The following CAMTA1 variants were observed in gnomAD, a reference collection of about 807,000 sequenced individuals.
CAMTA1 encodes the protein calmodulin-binding transcription activator 1.
A neutral mutation model predicts 170.9 loss-of-function variants in CAMTA1; 27 were observed. The ratio of observed to expected loss-of-function variants is 0.16; its 90% CI spans 0.12 to 0.22. The LOEUF (loss-of-function observed/expected upper bound fraction) is 0.22, where lower values mean the gene tolerates loss of function less well. Ranked by LOEUF, CAMTA1 falls within the 10% of genes least tolerant of loss-of-function variation. The pLI is 1.00. For synonymous variants in CAMTA1, 833 were observed against 891.5 expected (o/e 0.93, Z 1.17); for missense variants, 1,619 against 2,217.2 (o/e 0.73, Z 5.42).
chr1:7,270,860 T>G (rs1376544252), intron 5 of CAMTA1, among the ~76,000 whole-genome samples: 1 of 152,208 alleles, frequency 6.6e-6, no homozygotes, highest in African/African-American at 2.4e-5. Flanking sequence ...ACTTTTATTC[T>G]TGGTTTAAAA....
intron 3 of CAMTA1, among the ~76,000 whole-genome samples, chr1:6,990,821 T>A (rs868861747): frequency 2.7e-3 from 382 of 141,444 alleles, no homozygotes; most frequent in African/African-American, 9.4e-3. Context: ...ATATATATAT[T>A]TATATATATA....
In CAMTA1 at chr1:7,269,181, A is replaced by C. The variant is rs80290461; in HGVS notation, c.438+19555A>C. 5.2e-3 allele frequency among the ~76,000 whole-genome samples: 788 copies of C among 152,334 alleles called. 7 individuals carry two copies. The highest frequency in any genetic ancestry group is 0.018 in the African/African-American group (734 of 41,560). ...GAAATCAAGGTGTGAGCCAGGGCTG[A>C]GGTCTCATCTGAAGGCTTGACTGAG... is the stretch of plus-strand genomic sequence containing the variant. On this transcript the variant is annotated intron_variant, in intron 5 of 22. Transcript: ENST00000303635.
At chr1:7,472,772 C>T (rs538225664) in intron 6 of CAMTA1, among the ~76,000 whole-genome samples, 2 of 152,256 alleles carry the variant, frequency 1.3e-5, no homozygotes, top group South Asian at 2.1e-4. Flanking sequence ...GAGCAGGCAC[C>T]GTGAGACTAA....
At chr1:7,187,105 A>G (rs1193264003) in intron 4 of CAMTA1, among the ~76,000 whole-genome samples, 1 of 152,064 alleles carries the variant, frequency 6.6e-6, no homozygotes, top group Non-Finnish European at 1.5e-5. Flanking sequence ...CACTGTCCTG[A>G]CAGTATGAGA....
In CAMTA1 at chr1:7,677,823, C is replaced by A. The variant is rs144439021; in HGVS notation, c.2914+90C>A. On this transcript the variant is annotated intron_variant, in intron 11 of 22. Coordinates refer to ENST00000303635, the MANE Select transcript of CAMTA1 (RefSeq NM_015215.4). ...ACAAGGTGTGAAAGAAGAGTAAGCA[C>A]CCAGAAAGGGGCAGGAAGTGGTGCC... 2.8e-6 allele frequency: 4 copies of A among 1,453,526 alleles called. No homozygotes were observed. The East Asian group carries it at 9.3e-5, about 34-fold the overall frequency. 90.0% of individuals were successfully genotyped at this position (1,453,526 alleles called of 1,614,324 possible).
intron 3 of CAMTA1, among the ~76,000 whole-genome samples, chr1:7,032,392 G>A (rs769599168): frequency 4.6e-5 from 7 of 151,972 alleles, no homozygotes; most frequent in Admixed American, 2.6e-4. Context: ...AGTTTTTAGC[G>A]TCCATCTTTG....
intron 11 of CAMTA1, among the ~76,000 whole-genome samples, chr1:7,707,454 C>T (rs1193548263): frequency 6.6e-6 from 1 of 152,168 alleles, no homozygotes; most frequent in Non-Finnish European, 1.5e-5. Context: ...TGGTTCAGTG[C>T]AGCCTCCACC....
chr1:7,541,508 A>C (rs1331362431), intron 6 of CAMTA1, among the ~76,000 whole-genome samples: 2 of 152,266 alleles, frequency 1.3e-5, no homozygotes, highest in Non-Finnish European at 2.9e-5. Context: ...AGAAGAATAA[A>C]GTAATTGCTG....
chr1:7,161,766 A>C (rs1001429945), intron 4 of CAMTA1, among the ~76,000 whole-genome samples: 1 of 152,264 alleles, frequency 6.6e-6, no homozygotes, highest in Admixed American at 6.5e-5. Flanking sequence ...GGACTAATAT[A>C]AGGGCCCATT....
chr1:6,855,531 A>G (rs1222027518), intron 3 of CAMTA1, among the ~76,000 whole-genome samples: 1 of 151,954 alleles, frequency 6.6e-6, no homozygotes, highest in Non-Finnish European at 1.5e-5. Context: ...GAACTCAATC[A>G]TGAGAACAGT....
intron 3 of CAMTA1, among the ~76,000 whole-genome samples, chr1:6,961,307 G>A (rs1032518757): frequency 1.7e-4 from 26 of 152,312 alleles, no homozygotes; most frequent in African/African-American, 6.3e-4. Context: ...GAAGGGCTTT[G>A]GGGAGGCCAG....
At chr1:7,035,639 T>TG (rs1445492171) in intron 3 of CAMTA1, among the ~76,000 whole-genome samples, 1 of 152,196 alleles carries the variant, frequency 6.6e-6, no homozygotes, top group African/African-American at 2.4e-5. Context: ...AATCAATTCT[T>TG]GGTGTTTTAC....
At chr1:7,119,527 T>C (rs1259273193) in intron 4 of CAMTA1, among the ~76,000 whole-genome samples, 1 of 152,182 alleles carries the variant, frequency 6.6e-6, no homozygotes. Context: ...GAAGAACCCC[T>C]GAGCCGAAAA....
chr1:6,966,862 T>G (rs1392463126), intron 3 of CAMTA1, among the ~76,000 whole-genome samples: 1 of 151,670 alleles, frequency 6.6e-6, no homozygotes, highest in Non-Finnish European at 1.5e-5. Context: ...TCCATCCTCC[T>G]CAGCCTCCCA....
rs144674507 is a variant in CAMTA1 at position 7,313,512 on chromosome 1, G to A, written c.438+63886G>A. Among the ~76,000 whole-genome samples, 86 of 152,258 alleles carry A rather than the reference G, an allele frequency of 5.6e-4. 1 individual carries two copies. The highest frequency in any genetic ancestry group is 1.0e-3 in the Non-Finnish European group (70 of 68,020). ...CCTGTAACCCTGTTAGACCTTTATTGCATTGGTCGGCCCTTCTCCAGACAC... is the reference window on the plus strand; with the variant it reads ...CCTGTAACCCTGTTAGACCTTTATTACATTGGTCGGCCCTTCTCCAGACAC... On this transcript the variant is annotated intron_variant, in intron 5 of 22. Coordinates refer to ENST00000303635, the MANE Select transcript of CAMTA1 (RefSeq NM_015215.4).
intron 4 of CAMTA1, among the ~76,000 whole-genome samples, chr1:7,127,069 C>T (rs943745273): frequency 6.6e-6 from 1 of 151,994 alleles, no homozygotes; most frequent in Admixed American, 6.6e-5. Context: ...GTGCCGGGTC[C>T]AGGACTGCCA....
chr1:7,283,458 C>A (rs371863935), intron 5 of CAMTA1, among the ~76,000 whole-genome samples: 1 of 152,188 alleles, frequency 6.6e-6, no homozygotes. Flanking sequence ...ACTCACACTG[C>A]TCTATTTCTG....
chr1:7,133,151 G>T (rs1202666379), intron 4 of CAMTA1, among the ~76,000 whole-genome samples: 1 of 152,148 alleles, frequency 6.6e-6, no homozygotes, highest in Non-Finnish European at 1.5e-5. Context: ...GGAAAGGTTT[G>T]TGTTGAATTG....
Position 6,827,620 on chromosome 1 carries a change from G to A in CAMTA1, c.234+2410G>A, listed in dbSNP as rs527526763. On this transcript the variant is annotated intron_variant, in intron 3 of 22. Transcript: ENST00000303635. ...ACTAAAGCACTTCTTTGATCTAGCT[G>A]GGAATTGGCATTTTCTTACGTTCTT... Among the ~76,000 whole-genome samples the A allele has an allele frequency of 2.6e-5, 4 of 152,048 alleles. No homozygotes were observed. In the South Asian group the frequency reaches 8.3e-4, roughly 32 times the overall value.
Sources: gnomAD v4.1 joint callset for allele counts (sites outside exome capture counted in the v4.1 genomes callset) on GRCh38, gnomAD v4.1.1 for gene constraint, MANE v1.5 for transcripts, NCBI Gene and HGNC (gene_info 2026-07-23, HGNC 2026-07-21) for gene names.